STAG1: variants seen among roughly 807,000 people sequenced by gnomAD.
STAG1 encodes the protein STAG1 cohesin complex component, also known as cohesin subunit SA-1.
Under a neutral mutation model 170.9 loss-of-function variants are expected in STAG1, and 26 were observed. The observed-to-expected ratio is 0.15, with a 90% confidence interval of 0.11 to 0.21. STAG1 has a LOEUF of 0.21. Ranked by LOEUF, STAG1 falls within the 10% of genes least tolerant of loss-of-function variation. The probability of loss-of-function intolerance (pLI) is 1.00; values close to 1 mark genes in which losing one functional copy is unlikely to be tolerated. For missense variants in STAG1, 964 were observed against 1,509.5 expected (o/e 0.64, Z 5.99); for synonymous variants, 514 against 497.7 (o/e 1.03, Z -0.44).
intron 6 of STAG1, among the ~76,000 whole-genome samples, chr3:136,536,767 G>A (rs958686896): frequency 5.3e-5 from 8 of 151,248 alleles, no homozygotes; most frequent in African/African-American, 1.9e-4. Flanking sequence ...TCAACTCCTG[G>A]CTTGCCATTT....
chr3:136,521,485 T>A, intron 6 of STAG1, 68 bp from the exon 7 acceptor site: 2 of 1,410,854 alleles, frequency 1.4e-6, no homozygotes, highest in Non-Finnish European at 2.0e-6. Flanking sequence ...TTTTTTTTTC[T>A]TCCTACCTAC....
chr3:136,514,203 T>C (rs1290132368), intron 7 of STAG1, among the ~76,000 whole-genome samples: 3 of 152,186 alleles, frequency 2.0e-5, no homozygotes, highest in Non-Finnish European at 1.5e-5. Context: ...GTGCCCTCTT[T>C]ACAACCAAAC....
At chr3:136,340,389 T>G in intron 32 of STAG1, 102 bp downstream of exon 32, 1 of 728,412 alleles carries the variant, frequency 1.4e-6, no homozygotes, top group East Asian at 2.9e-5. Context: ...CCCAAAGTGC[T>G]GGGATTACAG....
intron 1 of STAG1, among the ~76,000 whole-genome samples, chr3:136,635,842 T>G (rs964955643): frequency 3.3e-5 from 5 of 152,214 alleles, no homozygotes; most frequent in Non-Finnish European, 7.4e-5. Context: ...AAATATAATT[T>G]TAAATGAAAA....
chr3:136,422,551 A>G lies in STAG1; in HGVS notation c.1896T>C (p.Val632=). ...FVVEKHVESD[V]LEACSKTYSI... ...TATAGGTTTTACTGCAGGCTTCTAG[A>G]ACATCTGATTCTACGTGTTTCTCCA... is the stretch of plus-strand genomic sequence containing the variant. The change falls in exon 19 of 34, where the codon GTT becomes GTC. Residue 632 remains valine (V), a synonymous_variant. Transcript: ENST00000383202. The G allele has an allele frequency of 6.2e-7, 1 of 1,614,044 alleles. No individual in the cohort carries two copies. Among genetic ancestry groups the G allele is most frequent in the Non-Finnish European group, 8.5e-7 (1 of 1,179,974 alleles).
At chr3:136,452,172 CA>C in intron 13 of STAG1, 25 bp from the exon 14 acceptor site, 1 of 1,449,352 alleles carries the variant, frequency 6.9e-7, no homozygotes, top group Non-Finnish European at 9.7e-7. Flanking sequence ...CAGGGCATTG[CA>C]AAGTTACATG....
chr3:136,622,843 T>C (rs1204597508), intron 3 of STAG1, among the ~76,000 whole-genome samples: 1 of 152,204 alleles, frequency 6.6e-6, no homozygotes, highest in Non-Finnish European at 1.5e-5. Flanking sequence ...AAATCAGAGT[T>C]GCATCTGAAA....
At chr3:136,413,947 G>A (rs952324905) in intron 21 of STAG1, among the ~76,000 whole-genome samples, 1 of 152,186 alleles carries the variant, frequency 6.6e-6, no homozygotes, top group Non-Finnish European at 1.5e-5. Flanking sequence ...GTTTCGCAGT[G>A]CATATAAAAG....
At chr3:136,721,235 GA>G (rs1933243614) in intron 1 of STAG1, among the ~76,000 whole-genome samples, 1 of 152,082 alleles carries the variant, frequency 6.6e-6, no homozygotes, top group Admixed American at 6.5e-5. Context: ...ACAATAAAGA[GA>G]AACGCTCAGA....
chr3:136,485,253 C>T lies in STAG1; in HGVS notation c.903-7841G>A, dbSNP rs548400426. Among the ~76,000 whole-genome samples, 139 of 152,190 alleles carry T rather than the reference C, an allele frequency of 9.1e-4. No individual in the cohort carries two copies. The South Asian group carries it at 0.027, about 30-fold the overall frequency. On this transcript the variant is annotated intron_variant, in intron 9 of 33. Transcript: ENST00000383202. The stretch of plus-strand genomic sequence containing the variant: ...TGGGCAGATCACGAAGTCAGGAGAT[C>T]GAGAACATCCTGGCAAACATGGTGA...
intron 1 of STAG1, among the ~76,000 whole-genome samples, chr3:136,690,191 A>G (rs1414540154): frequency 1.3e-5 from 2 of 152,136 alleles, no homozygotes; most frequent in Non-Finnish European, 2.9e-5. Context: ...AGTCTCGTAC[A>G]AGGGTCAACT....
intron 1 of STAG1, among the ~76,000 whole-genome samples, chr3:136,741,788 TACTCGAC>T (rs1934684432): frequency 1.3e-5 from 2 of 152,120 alleles, no homozygotes; most frequent in African/African-American, 4.8e-5. Flanking sequence ...TAAAAAGCAA[TACTCGAC>T]TATATACTAC....
chr3:136,636,422 A>G (rs1407877211), intron 1 of STAG1, among the ~76,000 whole-genome samples: 2 of 152,226 alleles, frequency 1.3e-5, no homozygotes, highest in African/African-American at 4.8e-5. Flanking sequence ...GTGGTACTCC[A>G]TCTACATAGA....
intron 9 of STAG1, 88 bp from the exon 10 acceptor site, chr3:136,477,500 T>C (rs1017624893): frequency 8.1e-7 from 1 of 1,237,102 alleles, no homozygotes; most frequent in South Asian, 1.9e-5. Flanking sequence ...TAAATATTTC[T>C]AATGCTGTTT....
chr3:136,497,143 G>T (rs1933152225), intron 9 of STAG1, among the ~76,000 whole-genome samples: 1 of 151,698 alleles, frequency 6.6e-6, no homozygotes, highest in Non-Finnish European at 1.5e-5. Context: ...AGGCTCCAAT[G>T]GTAGAACTCT....
At chr3:136,701,939 A>G (rs552889087) in intron 1 of STAG1, among the ~76,000 whole-genome samples, 3 of 152,062 alleles carry the variant, frequency 2.0e-5, no homozygotes, top group African/African-American at 7.2e-5. Flanking sequence ...CTGCTAAGTC[A>G]AACTTAATAG....
chr3:136,584,968 A>G (rs181880997), intron 4 of STAG1, among the ~76,000 whole-genome samples: 4 of 152,382 alleles, frequency 2.6e-5, no homozygotes, highest in Non-Finnish European at 4.4e-5. Context: ...GGAATGAATC[A>G]TAACTCACAT....
chr3:136,507,034 A>T (rs2107875826), intron 7 of STAG1, among the ~76,000 whole-genome samples: 1 of 152,340 alleles, frequency 6.6e-6, no homozygotes, highest in South Asian at 2.1e-4. Context: ...AAACATACTT[A>T]TTCATTTACA....
intron 21 of STAG1, among the ~76,000 whole-genome samples, chr3:136,411,567 G>A (rs555402351): frequency 6.6e-6 from 1 of 152,214 alleles, no homozygotes; most frequent in South Asian, 2.1e-4. Context: ...ACTTTTCATA[G>A]ATTAAAAATA....
Sources: gnomAD v4.1 joint callset for allele counts (sites outside exome capture counted in the v4.1 genomes callset) on GRCh38, gnomAD v4.1.1 for gene constraint, MANE v1.5 for transcripts, NCBI Gene and HGNC (gene_info 2026-07-23, HGNC 2026-07-21) for gene names.